The following SLC25A40 variants were observed in gnomAD, a reference collection of about 807,000 sequenced individuals.
SLC25A40 encodes the protein mitochondrial glutathione transporter SLC25A40.
In SLC25A40, 41 loss-of-function variants were observed where a neutral mutation model predicts 46.5. The observed-to-expected ratio is 0.88, with a 90% CI of 0.69 to 1.14. The LOEUF is 1.14. Ranked by LOEUF, SLC25A40 falls within the 50% of genes most tolerant of loss-of-function variation. The probability of loss-of-function intolerance (pLI) is 0.00; values close to 1 mark genes in which losing one functional copy is unlikely to be tolerated. For missense variants in SLC25A40, 386 were observed against 393.6 expected, an observed-to-expected ratio of 0.98 and a Z score of 0.16; for synonymous variants, 126 against 127.5, an observed-to-expected ratio of 0.99 and a Z score of 0.08.
chr7:87,866,401 G>A (rs896975005), intron 1 of SLC25A40, among the ~76,000 whole-genome samples: 1 of 152,130 alleles, frequency 6.6e-6, no homozygotes, highest in Non-Finnish European at 1.5e-5. Context: ...TGAGAAGTCT[G>A]TTGCCAGATG....
At chr7:87,845,930 C>T (rs922009487) in intron 8 of SLC25A40, among the ~76,000 whole-genome samples, 2 of 152,170 alleles carry the variant, frequency 1.3e-5, no homozygotes, top group Non-Finnish European at 2.9e-5. Context: ...GAAAAGAGTT[C>T]TATATTACCT....
rs200954020 is a variant in SLC25A40, at chr7:87,849,899, C to T, written c.314G>A (p.Ser105Asn). 1.7e-4 allele frequency: 267 copies of T among 1,598,612 alleles called. 1 individual carries two copies. The East Asian group carries it at 4.8e-3, about 29-fold the overall frequency. Residue 105 changes from serine to asparagine, a missense_variant, in exon 6 of 12, where the codon AGT becomes AAT. By Grantham distance (46) the Ser-to-Asn change is conservative. Coordinates refer to ENST00000341119, the MANE Select transcript of SLC25A40 (RefSeq NM_018843.4). Reference sequence around the variant, plus strand: ...AACTTACAGGGTAGGAGGAAGGCCACTCCATAGAGATTTAATGCCCTCATT... The same window carrying T: ...AACTTACAGGGTAGGAGGAAGGCCATTCCATAGAGATTTAATGCCCTCATT... ...IRNEGIKSLW[S>N]GLPPTLVMAV...
chr7:87,860,172 A>C (rs1838675607), intron 2 of SLC25A40: 1 of 152,120 alleles, frequency 6.6e-6, no homozygotes, highest in Non-Finnish European at 1.5e-5. Context: ...ACTCCAGCCT[A>C]GGTGACAGAG....
At chr7:87,857,476 A>C (rs1292179397) in intron 3 of SLC25A40, among the ~76,000 whole-genome samples, 3 of 152,244 alleles carry the variant, frequency 2.0e-5, no homozygotes, top group Non-Finnish European at 4.4e-5. Flanking sequence ...TTTTCATATA[A>C]TAATATGATG....
chr7:87,869,324 C>A (rs1301276295), intron 1 of SLC25A40, among the ~76,000 whole-genome samples: 1 of 152,032 alleles, frequency 6.6e-6, no homozygotes, highest in Non-Finnish European at 1.5e-5. Flanking sequence ...TCAGGAGTTT[C>A]AGACCAACCT....
Position 87,847,193 on chromosome 7 carries a change from AAATT to A in SLC25A40, c.458-75_458-72del, listed in dbSNP as rs1003889032. The A allele has an allele frequency of 2.2e-5, 25 of 1,124,476 alleles. 1 individual carries two copies. In the African/African-American group the frequency reaches 2.4e-4, roughly 11 times the overall value. 69.7% of individuals were successfully genotyped at this position (1,124,476 alleles called of 1,614,324 possible). A position where few individuals can be genotyped will look rare whatever the true frequency, so the allele number is the denominator to read the frequency against. On this transcript the variant is annotated intron_variant, in intron 7 of 11. Coordinates refer to ENST00000341119, the MANE Select transcript of SLC25A40 (RefSeq NM_018843.4). ...TACTATGCAAACACATATACTGTAA[AAATT>A]AATATTCACAGATTTTATATTTTAA...
intron 5 of SLC25A40, among the ~76,000 whole-genome samples, chr7:87,853,130 A>G (rs1315618360): frequency 1.3e-5 from 2 of 152,244 alleles, no homozygotes; most frequent in African/African-American, 4.8e-5. Context: ...AAGAATTATC[A>G]AAATTCAACA....
rs138743868 is a variant in SLC25A40 at position 87,848,052 on chromosome 7, T to G, written c.333-75A>C. 606 of 1,476,646 alleles carry G rather than the reference T, an allele frequency of 4.1e-4. 1 individual carries two copies. In the African/African-American group the frequency reaches 7.4e-3, roughly 18 times the overall value. 91.5% of individuals were successfully genotyped at this position (1,476,646 alleles called of 1,614,324 possible). A position where few individuals can be genotyped will look rare whatever the true frequency, so the allele number is the denominator to read the frequency against. On this transcript the variant is annotated intron_variant, in intron 6 of 11. Coordinates refer to ENST00000341119, the MANE Select transcript of SLC25A40 (RefSeq NM_018843.4). ...ATAGTCTTAACTTAAATTCAAATATTATTATATAAGCTAAAAAAGTCTTAT... is the reference window on the plus strand; with the variant it reads ...ATAGTCTTAACTTAAATTCAAATATGATTATATAAGCTAAAAAAGTCTTAT...
At chr7:87,869,962 G>A (rs528106869) in intron 1 of SLC25A40, among the ~76,000 whole-genome samples, 3 of 152,026 alleles carry the variant, frequency 2.0e-5, no homozygotes, top group South Asian at 4.2e-4. Flanking sequence ...AACAACACTT[G>A]GTATGGTCAG....
At chr7:87,849,531 T>C (rs1161793824) in intron 6 of SLC25A40, among the ~76,000 whole-genome samples, 2 of 152,230 alleles carry the variant, frequency 1.3e-5, no homozygotes, top group African/African-American at 4.8e-5. Flanking sequence ...AAGCACTTTG[T>C]ATACTTCACA....
chr7:87,871,150 G>T (rs1838890053), intron 1 of SLC25A40, among the ~76,000 whole-genome samples: 1 of 152,206 alleles, frequency 6.6e-6, no homozygotes, highest in Non-Finnish European at 1.5e-5. Flanking sequence ...AACAGCGAGT[G>T]AGTAGAGTTT....
chr7:87,868,560 C>G (rs1838843114), intron 1 of SLC25A40, among the ~76,000 whole-genome samples: 2 of 152,162 alleles, frequency 1.3e-5, no homozygotes, highest in African/African-American at 4.8e-5. Context: ...ACAACTCCCT[C>G]TTTGGGTTTG....
chr7:87,850,952 T>C (rs1197040336), intron 5 of SLC25A40, among the ~76,000 whole-genome samples: 1 of 152,152 alleles, frequency 6.6e-6, no homozygotes, highest in African/African-American at 2.4e-5. Flanking sequence ...TAGATACTAC[T>C]GGTGAGAATA....
chr7:87,856,545 C>G (rs1041369397), intron 3 of SLC25A40, among the ~76,000 whole-genome samples, 194 bp from the exon 4 acceptor site: 2 of 152,038 alleles, frequency 1.3e-5, no homozygotes, highest in Non-Finnish European at 2.9e-5. Flanking sequence ...CAGTGAAAGA[C>G]AGACGAATTA....
intron 8 of SLC25A40, among the ~76,000 whole-genome samples, chr7:87,845,518 C>T (rs1371197752): frequency 3.3e-5 from 5 of 152,014 alleles, no homozygotes; most frequent in African/African-American, 7.2e-5. Context: ...GGAATAGTTT[C>T]GTTCTGAAAC....
chr7:87,841,541 A>C, intron 10 of SLC25A40, 92 bp downstream of exon 10: 2 of 677,086 alleles, frequency 3.0e-6, no homozygotes, highest in South Asian at 4.7e-5. Context: ...AGAAGAAAAA[A>C]TCTTGTTTTC....
intron 8 of SLC25A40, among the ~76,000 whole-genome samples, chr7:87,845,342 A>C (rs1272325414): frequency 6.6e-6 from 1 of 152,168 alleles, no homozygotes; most frequent in Non-Finnish European, 1.5e-5. Flanking sequence ...ACTGGGCTAC[A>C]CAGCAGGAGG....
chr7:87,847,951 A>T lies in SLC25A40; in HGVS notation c.359T>A (p.Ile120Asn). 6.2e-7 allele frequency: 1 copy of T among 1,607,648 alleles called. No homozygotes were observed. The highest frequency in any genetic ancestry group is 1.1e-5 in the South Asian group (1 of 89,030). Residue 120 changes from isoleucine to asparagine, a missense_variant, in exon 7 of 12, where the codon ATT (isoleucine) becomes AAT (asparagine). Transcript: ENST00000341119. ...TLVMAVPATV[I>N]YFTCYDQLSA... ...TAATTGATCATAGCAGGTAAAATAA[A>T]TAACTGTGGCAGGAACTGCCATCAC...
intron 6 of SLC25A40, among the ~76,000 whole-genome samples, chr7:87,848,933 G>T (rs913131227): frequency 1.3e-5 from 2 of 152,114 alleles, no homozygotes; most frequent in Non-Finnish European, 2.9e-5. Context: ...TAAAATAAAT[G>T]CCTCAAATTG....
Sources: allele counts gnomAD v4.1 joint callset (sites outside exome capture counted in the v4.1 genomes callset), GRCh38; gene constraint gnomAD v4.1.1; transcripts MANE v1.5; gene names NCBI Gene and HGNC (gene_info 2026-07-23, HGNC 2026-07-21).